The following RARRES1 variants were observed in gnomAD, a reference collection of about 807,000 sequenced individuals.
RARRES1 encodes the protein retinoic acid receptor responder protein 1.
Under a neutral mutation model 30.6 loss-of-function variants are expected in RARRES1, and 34 were observed. The observed-to-expected ratio is 1.11, with a 90% CI of 0.84 to 1.48. The LOEUF is 1.48. Ranked by LOEUF, RARRES1 falls within the 40% of genes most tolerant of loss-of-function variation. RARRES1 has a pLI of 0.00. For synonymous variants in RARRES1, 153 were observed against 155.5 expected (o/e 0.98, Z 0.12); for missense variants, 373 against 386.5 (o/e 0.97, Z 0.29).
chr3:158,708,159 A>G (rs990189962), intron 3 of RARRES1, among the ~76,000 whole-genome samples: 5 of 152,202 alleles, frequency 3.3e-5, no homozygotes, highest in Admixed American at 2.0e-4. Context: ...CAAGACTCTG[A>G]ATTCAATATC....
At chr3:158,708,396 G>C (rs17699456) in intron 3 of RARRES1, among the ~76,000 whole-genome samples, 87,571 of 151,984 alleles carry the variant, frequency 0.58, 25,978 homozygotes, top group African/African-American at 0.72. Context: ...GCTGGCAACA[G>C]TGCTATAGAA....
At chr3:158,731,511 G>C (rs1727886162) in intron 1 of RARRES1, among the ~76,000 whole-genome samples, 1 of 152,134 alleles carries the variant, frequency 6.6e-6, no homozygotes, top group Non-Finnish European at 1.5e-5. Flanking sequence ...TCATTCATTC[G>C]GTTCATATAG....
chr3:158,730,367 CCTTCCTT>C (rs1559876978), intron 1 of RARRES1, among the ~76,000 whole-genome samples: 12 of 46,766 alleles, frequency 2.6e-4, no homozygotes, highest in East Asian at 9.4e-4. Context: ...ATAGGTTGCT[CCTTCCTT>C]CCTTCCTTCC....
At chr3:158,704,567 A>G in intron 4 of RARRES1, 1 of 529,844 alleles carries the variant, frequency 1.9e-6, no homozygotes, top group Non-Finnish European at 3.0e-6. Context: ...ATCTTCTCTC[A>G]CTAGAATTAA....
chr3:158,698,995 C>T (rs1478308233), intron 4 of RARRES1, among the ~76,000 whole-genome samples: 2 of 152,192 alleles, frequency 1.3e-5, no homozygotes, highest in Admixed American at 1.3e-4. Context: ...CTGGGACTCT[C>T]TCCCACCAGG....
At chr3:158,716,886 C>T (rs554736232) in intron 1 of RARRES1, among the ~76,000 whole-genome samples, 1 of 152,290 alleles carries the variant, frequency 6.6e-6, no homozygotes, top group East Asian at 1.9e-4. Context: ...GCCTGGTTAA[C>T]AAGCACTCTT....
Position 158,710,725 on chromosome 3 carries a change from T to C in RARRES1, c.535+13A>G. 6.4e-7 allele frequency: 1 copy of C among 1,573,456 alleles called. No individual in the cohort carries two copies. The highest frequency in any genetic ancestry group is 8.7e-7 in the Non-Finnish European group (1 of 1,149,932). On this transcript the variant is annotated intron_variant, in intron 3 of 5. Coordinates refer to ENST00000237696, the MANE Select transcript of RARRES1 (RefSeq NM_206963.2). ...CATTCCTGAATATAGAAATTCCAAA[T>C]GCTGATTCATACCAGGTATGCTGAC...
chr3:158,722,724 T>C lies in RARRES1; in HGVS notation c.277-8865A>G, dbSNP rs369813111. ...GGTGAAACCCCATCTCTACTAAAAA[T>C]ACAAAAAATTAGCTGGGCGTGGTGG... On this transcript the variant is annotated intron_variant, in intron 1 of 5. Transcript: ENST00000237696. Among the ~76,000 whole-genome samples the C allele has an allele frequency of 4.6e-5, 7 of 151,740 alleles. 1 individual carries two copies. Among genetic ancestry groups the C allele is most frequent in the East Asian group, 1.9e-4 (1 of 5,134 alleles).
chr3:158,715,555 G>A (rs1276347219), intron 1 of RARRES1, among the ~76,000 whole-genome samples: 4 of 152,274 alleles, frequency 2.6e-5, no homozygotes, highest in East Asian at 3.9e-4. Flanking sequence ...TACACAGGGC[G>A]TTGTGAACAG....
intron 1 of RARRES1, among the ~76,000 whole-genome samples, chr3:158,729,625 T>C (rs920748968): frequency 2.0e-5 from 3 of 152,052 alleles, no homozygotes; most frequent in East Asian, 2.0e-4. Flanking sequence ...AATTTCTTTT[T>C]GTATTTTTAG....
At chr3:158,721,565 C>T (rs1727510794) in intron 1 of RARRES1, among the ~76,000 whole-genome samples, 1 of 152,160 alleles carries the variant, frequency 6.6e-6, no homozygotes, top group Non-Finnish European at 1.5e-5. Flanking sequence ...ATACAGCTGA[C>T]CACTAAATAG....
intron 4 of RARRES1, among the ~76,000 whole-genome samples, chr3:158,703,811 C>A (rs1726814373): frequency 6.6e-6 from 1 of 152,200 alleles, no homozygotes; most frequent in Non-Finnish European, 1.5e-5. Flanking sequence ...CCTTCTTTGT[C>A]TACACTCATT....
intron 1 of RARRES1, among the ~76,000 whole-genome samples, chr3:158,726,496 G>A (rs1727692927): frequency 6.6e-6 from 1 of 152,194 alleles, no homozygotes; most frequent in Non-Finnish European, 1.5e-5. Context: ...CCCAAAGCCA[G>A]CTGCTTTGCT....
chr3:158,730,319 CAAAAAAA>C lies in RARRES1; in HGVS notation c.276+1814_276+1820del, dbSNP rs58772915. Among the ~76,000 whole-genome samples the C allele has an allele frequency of 2.5e-5, 2 of 79,414 alleles. 1 individual carries two copies. Among genetic ancestry groups the C allele is most frequent in the Admixed American group, 2.9e-4 (2 of 6,950 alleles). 52.1% of individuals were successfully genotyped at this position (79,414 alleles called of 152,430 possible). A position where few individuals can be genotyped will look rare whatever the true frequency, so the allele number is the denominator to read the frequency against. On this transcript the variant is annotated intron_variant, in intron 1 of 5. Coordinates refer to ENST00000237696, the MANE Select transcript of RARRES1 (RefSeq NM_206963.2). ...TGGGCAACAGAGCAAGACTCTGTCT[CAAAAAAA>C]AAAAAAAAAAAACAAAGACAGGTGA...
At chr3:158,706,180 G>C (rs958508676) in intron 3 of RARRES1, among the ~76,000 whole-genome samples, 1 of 152,122 alleles carries the variant, frequency 6.6e-6, no homozygotes, top group Non-Finnish European at 1.5e-5. Context: ...TGATTTCTTG[G>C]GATCTGTGAA....
Position 158,715,414 on chromosome 3 carries a change from C to A in RARRES1, c.277-1555G>T, listed in dbSNP as rs1727291757. On this transcript the variant is annotated intron_variant, in intron 1 of 5. Transcript: ENST00000237696. Reference sequence around the variant, plus strand: ...GGAGTGGGATGTAGGGGTTGGAATTCCAGGGGACAGTGAAGCTGGAGAAAA... The same window carrying A: ...GGAGTGGGATGTAGGGGTTGGAATTACAGGGGACAGTGAAGCTGGAGAAAA... 1.3e-5 allele frequency among the ~76,000 whole-genome samples: 2 copies of A among 152,030 alleles called. 1 individual carries two copies. Among genetic ancestry groups the A allele is most frequent in the South Asian group, 4.1e-4 (2 of 4,830 alleles).
At chr3:158,728,387 G>A (rs1302472598) in intron 1 of RARRES1, among the ~76,000 whole-genome samples, 1 of 152,058 alleles carries the variant, frequency 6.6e-6, no homozygotes, top group South Asian at 2.1e-4. Context: ...CTACCTGCTC[G>A]CCCCTCAGGG....
At chr3:158,730,417 T>TTCCTTCCTTCCTTC (rs1434418366) in intron 1 of RARRES1, among the ~76,000 whole-genome samples, 1 of 144,908 alleles carries the variant, frequency 6.9e-6, no homozygotes, top group Non-Finnish European at 1.5e-5. Flanking sequence ...CCTTCCTTCC[T>TTCCTTCCTTCCTTC]CTCTCTCTTT....
chr3:158,727,085 G>T (rs1727718756), intron 1 of RARRES1, among the ~76,000 whole-genome samples: 1 of 152,190 alleles, frequency 6.6e-6, no homozygotes, highest in African/African-American at 2.4e-5. Flanking sequence ...AGAAGCGGAT[G>T]CCAGCACCAC....
Sources: gnomAD v4.1 joint callset for allele counts (sites outside exome capture counted in the v4.1 genomes callset) on GRCh38, gnomAD v4.1.1 for gene constraint, MANE v1.5 for transcripts, NCBI Gene and HGNC (gene_info 2026-07-23, HGNC 2026-07-21) for gene names.